Variants in PPM1L observed in about 807,000 individuals in gnomAD.
The protein encoded by PPM1L is protein phosphatase 1L.
PPM1L carries 13 observed loss-of-function variants against 31.4 expected under a neutral mutation model. That is an observed-to-expected ratio of 0.41 (90% confidence interval 0.27 to 0.66). The LOEUF is 0.66. Among genes scored for constraint, PPM1L ranks in the 30% least tolerant of loss-of-function variants. The probability of loss-of-function intolerance (pLI) is 0.29; values close to 1 mark genes in which losing one functional copy is unlikely to be tolerated. For missense variants in PPM1L, 326 were observed against 453.7 expected (o/e 0.72, Z 2.56); for synonymous variants, 184 against 175.4 (o/e 1.05, Z -0.39).
At chr3:160,864,609 G>T (rs1422575120) in intron 1 of PPM1L, among the ~76,000 whole-genome samples, 2 of 152,164 alleles carry the variant, frequency 1.3e-5, no homozygotes, top group African/African-American at 2.4e-5. Flanking sequence ...ATCTTTATCA[G>T]TTCTTTCACA....
At chr3:160,941,751 G>T (rs1377430902) in intron 1 of PPM1L, among the ~76,000 whole-genome samples, 1 of 152,184 alleles carries the variant, frequency 6.6e-6, no homozygotes, top group Non-Finnish European at 1.5e-5. Context: ...CTCAATTAGA[G>T]AATTTGTTGT....
intron 1 of PPM1L, among the ~76,000 whole-genome samples, chr3:160,774,828 A>G (rs1284437172): frequency 6.6e-6 from 1 of 152,202 alleles, no homozygotes; most frequent in East Asian, 1.9e-4. Flanking sequence ...TAGGCAATCA[A>G]ACATTTTTGT....
At chr3:160,948,929 AG>A (rs1715492269) in intron 1 of PPM1L, among the ~76,000 whole-genome samples, 1 of 152,156 alleles carries the variant, frequency 6.6e-6, no homozygotes, top group African/African-American at 2.4e-5. Context: ...CAGAATCTCT[AG>A]GGGGTAGAAT....
chr3:160,941,465 A>G (rs1033562152), intron 1 of PPM1L, among the ~76,000 whole-genome samples: 1 of 152,152 alleles, frequency 6.6e-6, no homozygotes, highest in Admixed American at 6.5e-5. Context: ...AGGTAATTGA[A>G]TCATGGGGGC....
intron 1 of PPM1L, among the ~76,000 whole-genome samples, chr3:160,854,404 G>A (rs1711616170): frequency 1.3e-5 from 2 of 152,168 alleles, no homozygotes; most frequent in Non-Finnish European, 2.9e-5. Flanking sequence ...GTATCTGGGT[G>A]CCACAAAGGG....
chr3:160,971,657 G>C (rs1716346406), intron 2 of PPM1L, among the ~76,000 whole-genome samples: 1 of 152,338 alleles, frequency 6.6e-6, no homozygotes. Context: ...CGTTTTTAAA[G>C]ACAGGCTTTG....
intron 1 of PPM1L, among the ~76,000 whole-genome samples, chr3:160,933,965 T>A (rs1714875292): frequency 6.6e-6 from 1 of 152,250 alleles, no homozygotes; most frequent in Non-Finnish European, 1.5e-5. Flanking sequence ...AATTACCATA[T>A]GTCATTAATC....
intron 3 of PPM1L, among the ~76,000 whole-genome samples, chr3:161,068,489 C>T (rs1250390136): frequency 6.6e-6 from 1 of 152,240 alleles, no homozygotes; most frequent in Non-Finnish European, 1.5e-5. Context: ...TCCCTACCCT[C>T]ATGCTCTCTA....
At chr3:161,000,039 G>A (rs148176949) in intron 2 of PPM1L, among the ~76,000 whole-genome samples, 3 of 152,212 alleles carry the variant, frequency 2.0e-5, no homozygotes, top group South Asian at 2.1e-4. Flanking sequence ...CTTTGTATCC[G>A]CAGAATCCAG....
intron 2 of PPM1L, among the ~76,000 whole-genome samples, chr3:160,980,739 A>C (rs1363365992): frequency 2.7e-5 from 4 of 149,030 alleles, no homozygotes; most frequent in African/African-American, 9.9e-5. Flanking sequence ...AGAAAAAGAA[A>C]GAGAAAGAAA....
chr3:160,831,755 A>G (rs188476887), intron 1 of PPM1L, among the ~76,000 whole-genome samples: 1 of 152,288 alleles, frequency 6.6e-6, no homozygotes, highest in East Asian at 1.9e-4. Flanking sequence ...TTGAGTTTCA[A>G]CCATGTCCTA....
chr3:160,926,398 G>A (rs997049817), intron 1 of PPM1L, among the ~76,000 whole-genome samples: 3 of 152,156 alleles, frequency 2.0e-5, no homozygotes, highest in Non-Finnish European at 4.4e-5. Flanking sequence ...TGATATGAAA[G>A]CTGATAAATA....
In PPM1L at chr3:161,072,676, T is replaced by C. The variant is rs755025830; in HGVS notation, c.*3519T>C. ...CTTTTTTGAGTAGCACCTAGTAACA[T>C]TGCAAGGAACTTGTGTATCAAGGTG... On this transcript the variant is annotated 3_prime_UTR_variant, in exon 4 of 4. Transcript: ENST00000498165. 9.2e-5 allele frequency: 14 copies of C among 152,146 alleles called. No individual in the cohort carries two copies. The highest frequency in any genetic ancestry group is 3.3e-4 in the Admixed American group (5 of 15,282). 9.4% of individuals were successfully genotyped at this position (152,146 alleles called of 1,614,324 possible).
At chr3:160,830,706 A>C (rs574790092) in intron 1 of PPM1L, among the ~76,000 whole-genome samples, 3 of 152,186 alleles carry the variant, frequency 2.0e-5, no homozygotes, top group Non-Finnish European at 2.9e-5. Context: ...GGAGAAAACT[A>C]TGACCTAAAA....
intron 1 of PPM1L, among the ~76,000 whole-genome samples, chr3:160,807,109 G>C (rs528959242): frequency 6.6e-6 from 1 of 152,190 alleles, no homozygotes; most frequent in Non-Finnish European, 1.5e-5. Context: ...AGAGCCACTG[G>C]TCTAGGACAT....
intron 1 of PPM1L, among the ~76,000 whole-genome samples, chr3:160,947,602 T>G (rs1287907750): frequency 2.6e-5 from 4 of 152,072 alleles, no homozygotes; most frequent in Non-Finnish European, 5.9e-5. Context: ...ATCTCCCCAC[T>G]AGACCATAAG....
chr3:160,993,859 C>T (rs563392775), intron 2 of PPM1L, among the ~76,000 whole-genome samples: 3 of 152,112 alleles, frequency 2.0e-5, no homozygotes, highest in Admixed American at 6.6e-5. Context: ...CTTTTGATGA[C>T]AAAGCCATTA....
chr3:160,844,287 T>C (rs568466917), intron 1 of PPM1L, among the ~76,000 whole-genome samples: 2 of 152,290 alleles, frequency 1.3e-5, no homozygotes, highest in African/African-American at 4.8e-5. Flanking sequence ...GGGTATCCTT[T>C]AGCCTTCAGA....
chr3:160,903,208 T>TTGTG (rs59232471), intron 1 of PPM1L, among the ~76,000 whole-genome samples: 4,760 of 119,916 alleles, frequency 0.04, 109 homozygotes, highest in Admixed American at 0.052. Context: ...GTGTGTATGT[T>TTGTG]TGTGTGTGTG....
Sources: gnomAD v4.1 joint callset for allele counts (sites outside exome capture counted in the v4.1 genomes callset) on GRCh38, gnomAD v4.1.1 for gene constraint, MANE v1.5 for transcripts, NCBI Gene and HGNC (gene_info 2026-07-23, HGNC 2026-07-21) for gene names.